Variants in NAPEPLD observed in about 807,000 individuals in gnomAD.
NAPEPLD encodes the protein N-acyl phosphatidylethanolamine phospholipase D.
NAPEPLD carries 23 observed loss-of-function variants against 38.1 expected under a neutral mutation model. The observed-to-expected ratio is 0.60, with a 90% CI of 0.43 to 0.86. NAPEPLD has a LOEUF of 0.86. Ranked by LOEUF, NAPEPLD falls within the 40% of genes least tolerant of loss-of-function variation. The probability of loss-of-function intolerance (pLI) is 0.00; values close to 1 mark genes in which losing one functional copy is unlikely to be tolerated. For synonymous variants in NAPEPLD, 147 were observed against 162.0 expected, an observed-to-expected ratio of 0.91 and a Z score of 0.71; for missense variants, 411 against 476.8, an observed-to-expected ratio of 0.86 and a Z score of 1.28.
At chr7:103,107,112 G>A (rs1255863608) in intron 4 of NAPEPLD, among the ~76,000 whole-genome samples, 1 of 152,102 alleles carries the variant, frequency 6.6e-6, no homozygotes, top group African/African-American at 2.4e-5. Context: ...AGGCAAACAG[G>A]GTCTGGAGTG....
intron 4 of NAPEPLD, among the ~76,000 whole-genome samples, chr7:103,112,935 A>G (rs1804822126): frequency 6.6e-6 from 1 of 152,196 alleles, no homozygotes; most frequent in Non-Finnish European, 1.5e-5. Flanking sequence ...GGTTAGGTTT[A>G]TAACAGGAAT....
intron 4 of NAPEPLD, among the ~76,000 whole-genome samples, chr7:103,110,933 T>C (rs1039796758): frequency 6.6e-6 from 1 of 151,786 alleles, no homozygotes; most frequent in African/African-American, 2.4e-5. Context: ...GAATTAAAAA[T>C]CACAAGCAAA....
Position 103,103,357 on chromosome 7 carries a change from T to G in NAPEPLD, c.*72A>C. The G allele has an allele frequency of 7.0e-7, 1 of 1,433,492 alleles. No homozygotes were observed. 88.8% of individuals were successfully genotyped at this position (1,433,492 alleles called of 1,614,324 possible). A position where few individuals can be genotyped will look rare whatever the true frequency, so the allele number is the denominator to read the frequency against. On this transcript the variant is annotated 3_prime_UTR_variant, in exon 5 of 5. Transcript: ENST00000465647. Reference sequence around the variant, plus strand: ...TAAAATAATCACAATATTCATGAATTTCTAAGTCTTTTCATTTGTTTTTAA... The same window carrying G: ...TAAAATAATCACAATATTCATGAATGTCTAAGTCTTTTCATTTGTTTTTAA...
At chr7:103,116,137 C>G (rs1805523453) in intron 3 of NAPEPLD, among the ~76,000 whole-genome samples, 1 of 152,084 alleles carries the variant, frequency 6.6e-6, no homozygotes, top group African/African-American at 2.4e-5. Context: ...TCCCAGCTCA[C>G]TGCAACCTCC....
Position 103,101,545 on chromosome 7 carries a change from T to C in NAPEPLD, c.*1884A>G, listed in dbSNP as rs771606347. The C allele has an allele frequency of 2.0e-5, 3 of 152,674 alleles. No individual in the cohort carries two copies. Among genetic ancestry groups the C allele is most frequent in the African/African-American group, 4.8e-5 (2 of 41,474 alleles). 9.5% of individuals were successfully genotyped at this position (152,674 alleles called of 1,614,324 possible). A position where few individuals can be genotyped will look rare whatever the true frequency, so the allele number is the denominator to read the frequency against. Reference sequence around the variant, plus strand: ...TTAACCTGTATTTAGCTTTCAAATATACCTGTCTATATTAGGCAGTGATAT... The same window carrying C: ...TTAACCTGTATTTAGCTTTCAAATACACCTGTCTATATTAGGCAGTGATAT... On this transcript the variant is annotated 3_prime_UTR_variant, in exon 5 of 5. Transcript: ENST00000465647.
intron 1 of NAPEPLD, among the ~76,000 whole-genome samples, chr7:103,140,907 C>A (rs1811168161): frequency 6.6e-6 from 1 of 152,164 alleles, no homozygotes; most frequent in Non-Finnish European, 1.5e-5. Context: ...GAGCTTGAAG[C>A]TCCAGTTAAA....
intron 2 of NAPEPLD, among the ~76,000 whole-genome samples, chr7:103,125,435 T>C (rs1170727347): frequency 1.3e-5 from 2 of 152,236 alleles, no homozygotes; most frequent in Admixed American, 6.5e-5. Flanking sequence ...CATGCAGATA[T>C]TATAACCACT....
intron 2 of NAPEPLD, among the ~76,000 whole-genome samples, chr7:103,126,392 C>T (rs550423064): frequency 6.6e-6 from 1 of 152,296 alleles, no homozygotes; most frequent in South Asian, 2.1e-4. Flanking sequence ...TAAAGCTAGT[C>T]TAGACAAGTA....
intron 1 of NAPEPLD, among the ~76,000 whole-genome samples, chr7:103,145,478 AT>A (rs1446024490): frequency 6.6e-6 from 1 of 152,236 alleles, no homozygotes; most frequent in Non-Finnish European, 1.5e-5. Context: ...ATTGTAAAGT[AT>A]TTCATATCTG....
rs1243427884 is a variant in NAPEPLD at position 103,115,370 on chromosome 7, T to G, written c.942-196A>C. 5 of 438,520 alleles carry G rather than the reference T, an allele frequency of 1.1e-5. No individual in the cohort carries two copies. In the East Asian group the frequency reaches 1.4e-4, roughly 12 times the overall value. The allele number at this position is 438,520 out of a possible 1,614,324, so 27.2% of individuals were successfully genotyped here. On this transcript the variant is annotated intron_variant, in intron 3 of 4. Transcript: ENST00000465647. ...TCTGAAGGCCAGGTCAAGGCTAGAT[T>G]GTAAAAACAAAACAAATTCTGCACA...
At chr7:103,140,617 T>A (rs1299412889) in intron 1 of NAPEPLD, among the ~76,000 whole-genome samples, 1 of 151,872 alleles carries the variant, frequency 6.6e-6, no homozygotes, top group East Asian at 1.9e-4. Flanking sequence ...ACGGTCTCAA[T>A]CTCCTGACCT....
At chr7:103,120,359 C>T in intron 2 of NAPEPLD, 136 bp from the exon 3 acceptor site, 1 of 920,728 alleles carries the variant, frequency 1.1e-6, no homozygotes, top group South Asian at 2.0e-5. Context: ...AAACTTGCTA[C>T]ACTTTTGCTT....
intron 2 of NAPEPLD, among the ~76,000 whole-genome samples, chr7:103,125,112 T>C (rs553378930): frequency 4.3e-4 from 66 of 152,234 alleles, no homozygotes; most frequent in Non-Finnish European, 7.2e-4. Flanking sequence ...CAACTGAAGG[T>C]ACATTTTCAC....
At chr7:103,136,558 C>T (rs1057005153) in intron 1 of NAPEPLD, among the ~76,000 whole-genome samples, 1 of 148,352 alleles carries the variant, frequency 6.7e-6, no homozygotes, top group African/African-American at 2.5e-5. Flanking sequence ...TGCCCTCCAG[C>T]CTGGGCGACA....
intron 3 of NAPEPLD, among the ~76,000 whole-genome samples, chr7:103,116,573 A>G (rs1415952291): frequency 2.0e-5 from 3 of 152,250 alleles, no homozygotes; most frequent in Non-Finnish European, 4.4e-5. Context: ...AACAAAAACT[A>G]GTACATAAAA....
chr7:103,128,733 T>C lies in NAPEPLD; in HGVS notation c.44A>G (p.Gln15Arg), dbSNP rs997237712. 1.6e-5 allele frequency: 26 copies of C among 1,613,994 alleles called. No individual in the cohort carries two copies. The highest frequency in any genetic ancestry group is 2.2e-5 in the Non-Finnish European group (26 of 1,179,994). Reference protein sequence around the residue: ...ESNQSLMTSSQYPKEAVRKRQ... With the variant: ...ESNQSLMTSSRYPKEAVRKRQ... ...TTTTCTTACTGCTTCTTTAGGATAT[T>C]GGCTGCTTGTCATCAGAGACTGGTT... Residue 15 changes from glutamine to arginine, a missense_variant, in exon 2 of 5, where the codon CAA becomes CGA. Physicochemically the swap from Gln to Arg is conservative, Grantham distance 43. Coordinates refer to ENST00000465647, the MANE Select transcript of NAPEPLD (RefSeq NM_001122838.3).
chr7:103,105,932 CAAAA>C (rs1194781765), intron 4 of NAPEPLD, among the ~76,000 whole-genome samples: 15 of 49,976 alleles, frequency 3.0e-4, no homozygotes, highest in Non-Finnish European at 1.9e-4. Context: ...GACTCCGTCT[CAAAA>C]AAAAAAAAAA....
intron 1 of NAPEPLD, among the ~76,000 whole-genome samples, chr7:103,136,134 G>A (rs557449360): frequency 6.6e-6 from 1 of 151,830 alleles, no homozygotes; most frequent in African/African-American, 2.4e-5. Flanking sequence ...AAGAGTGGTG[G>A]TGCATGCCTG....
At chr7:103,141,877 ATT>A in intron 1 of NAPEPLD, 1 of 1,026,844 alleles carries the variant, frequency 9.7e-7, no homozygotes, top group Non-Finnish European at 1.6e-6. Flanking sequence ...CTAACCAGAT[ATT>A]CTTCTTGCCA....
Sources: gnomAD v4.1 joint callset for allele counts (sites outside exome capture counted in the v4.1 genomes callset) on GRCh38, gnomAD v4.1.1 for gene constraint, MANE v1.5 for transcripts, NCBI Gene and HGNC (gene_info 2026-07-23, HGNC 2026-07-21) for gene names.